The following FARS2 variants were observed in gnomAD, a reference collection of about 807,000 sequenced individuals.
The protein encoded by FARS2 is phenylalanyl-tRNA synthetase 2, mitochondrial, also known as phenylalanine--tRNA ligase, mitochondrial.
Under a neutral mutation model 46.4 loss-of-function variants are expected in FARS2, and 40 were observed. That is an observed-to-expected ratio of 0.86 (90% confidence interval 0.67 to 1.12). The LOEUF (loss-of-function observed/expected upper bound fraction) is 1.12. FARS2 is among the 50% of genes most tolerant of loss of function. FARS2 has a pLI of 0.00. For missense variants in FARS2, 513 were observed against 567.9 expected, an observed-to-expected ratio of 0.90 and a Z score of 0.98; for synonymous variants, 234 against 214.9, an observed-to-expected ratio of 1.09 and a Z score of -0.78.
chr6:5,520,811 A>AT (rs140220929), intron 4 of FARS2, among the ~76,000 whole-genome samples: 16,830 of 152,284 alleles, frequency 0.11, 992 homozygotes, highest in Admixed American at 0.16. Context: ...TTGATTAAAA[A>AT]TCATGATAAA....
chr6:5,725,594 C>T (rs1760198568), intron 6 of FARS2, among the ~76,000 whole-genome samples: 1 of 152,182 alleles, frequency 6.6e-6, no homozygotes, highest in Admixed American at 6.5e-5. Context: ...TGAGTTGATG[C>T]ATGTGACATT....
intron 6 of FARS2, among the ~76,000 whole-genome samples, chr6:5,719,845 G>A (rs1413396961): frequency 2.0e-5 from 3 of 152,204 alleles, no homozygotes; most frequent in Non-Finnish European, 4.4e-5. Context: ...AAATAATCTT[G>A]TAAAGCATAG....
intron 3 of FARS2, among the ~76,000 whole-genome samples, chr6:5,410,280 C>T (rs754351440): frequency 1.6e-4 from 24 of 151,748 alleles, no homozygotes; most frequent in Non-Finnish European, 2.8e-4. Flanking sequence ...CAGCCTCCCA[C>T]GTAGCTGGGA....
chr6:5,409,203 C>A (rs551256581), intron 3 of FARS2, among the ~76,000 whole-genome samples: 21 of 152,270 alleles, frequency 1.4e-4, no homozygotes, highest in African/African-American at 4.8e-4. Context: ...GTAATACCAG[C>A]ACTTGGGGAG....
At position 5,764,725 on chromosome 6, in the gene FARS2, G is replaced by A. The variant is rs964536760; in HGVS notation, c.1218-6566G>A. Among the ~76,000 whole-genome samples the A allele has an allele frequency of 6.6e-6, 1 of 152,210 alleles. No homozygotes were observed. The highest frequency in any genetic ancestry group is 6.5e-5 in the Admixed American group (1 of 15,282). ...GATGGAGAAGCAGACTATTGTGGATGTTGCAGGAGCTGGGATTTGGCTGGA... is the reference window on the plus strand; with the variant it reads ...GATGGAGAAGCAGACTATTGTGGATATTGCAGGAGCTGGGATTTGGCTGGA... On this transcript the variant is annotated intron_variant, in intron 6 of 6. Coordinates refer to ENST00000274680, the MANE Select transcript of FARS2 (RefSeq NM_006567.5). This position sits in a 1 kb window ranked among gnomAD's most constrained non-coding sequence, Gnocchi z 4.1.
At chr6:5,433,297 C>A (rs1449917511) in intron 4 of FARS2, among the ~76,000 whole-genome samples, 1 of 152,194 alleles carries the variant, frequency 6.6e-6, no homozygotes, top group Non-Finnish European at 1.5e-5. Flanking sequence ...CTCTCAAGTG[C>A]TTAGCAAAGG....
At chr6:5,707,210 ACC>A (rs1158387817) in intron 6 of FARS2, among the ~76,000 whole-genome samples, 1 of 151,756 alleles carries the variant, frequency 6.6e-6, no homozygotes, top group Non-Finnish European at 1.5e-5. Context: ...GCATGGACCT[ACC>A]CCAAGCCGAG....
intron 4 of FARS2, among the ~76,000 whole-genome samples, chr6:5,525,235 A>T (rs1433951554): frequency 2.4e-5 from 3 of 124,982 alleles, no homozygotes; most frequent in African/African-American, 8.7e-5. Context: ...TGATAGAAAG[A>T]AATCCATTTG....
chr6:5,285,991 C>A (rs1283949272), intron 1 of FARS2, among the ~76,000 whole-genome samples: 1 of 152,196 alleles, frequency 6.6e-6, no homozygotes, highest in Non-Finnish European at 1.5e-5. Context: ...TAGAACACTT[C>A]CTCTGTTTGC....
chr6:5,336,418 C>T (rs571092997), intron 1 of FARS2, among the ~76,000 whole-genome samples: 9 of 151,760 alleles, frequency 5.9e-5, no homozygotes, highest in Non-Finnish European at 1.3e-4. Flanking sequence ...AAACCAAAGA[C>T]TTTTCTTTAC....
intron 1 of FARS2, among the ~76,000 whole-genome samples, chr6:5,345,150 G>A (rs2127597173): frequency 6.6e-6 from 1 of 151,140 alleles, no homozygotes; most frequent in Admixed American, 6.6e-5. Flanking sequence ...GACTAGATGA[G>A]ACAATGTATG....
chr6:5,617,858 T>C (rs1775555698), intron 6 of FARS2, among the ~76,000 whole-genome samples: 2 of 152,150 alleles, frequency 1.3e-5, no homozygotes, highest in Admixed American at 1.3e-4. Context: ...ATTTTTTAGA[T>C]CTCATTATTG....
chr6:5,345,881 T>C (rs138044887), intron 1 of FARS2, among the ~76,000 whole-genome samples: 54 of 152,354 alleles, frequency 3.5e-4, no homozygotes, highest in African/African-American at 1.2e-3. Context: ...GAATGGACTT[T>C]TTGTTTCTGA....
At chr6:5,566,036 A>G (rs1201224706) in intron 5 of FARS2, among the ~76,000 whole-genome samples, 1 of 152,152 alleles carries the variant, frequency 6.6e-6, no homozygotes, top group African/African-American at 2.4e-5. Flanking sequence ...TAACCCTTTT[A>G]CTAAAGGGCA....
intron 6 of FARS2, among the ~76,000 whole-genome samples, chr6:5,687,185 A>C (rs955728041): frequency 1.3e-4 from 20 of 152,324 alleles, no homozygotes; most frequent in South Asian, 2.1e-4. Flanking sequence ...TTTGCTGTGC[A>C]GAAGCTCTTT....
At chr6:5,296,887 G>C (rs766891260) in intron 1 of FARS2, among the ~76,000 whole-genome samples, 1 of 152,212 alleles carries the variant, frequency 6.6e-6, no homozygotes, top group Non-Finnish European at 1.5e-5. Context: ...GTGATCATGA[G>C]TGTACAGATA....
In FARS2 at chr6:5,661,467, T is replaced by C. The variant is rs535857223; in HGVS notation, c.1217+48147T>C. ...AGCAAGGGGCTTTGCATGAATCTTA[T>C]GGAACTAGGGCCCTTGGTGGCCAGA... On this transcript the variant is annotated intron_variant, in intron 6 of 6. Coordinates refer to ENST00000274680, the MANE Select transcript of FARS2 (RefSeq NM_006567.5). Among the ~76,000 whole-genome samples, 9 of 152,244 alleles carry C rather than the reference T, an allele frequency of 5.9e-5. No homozygotes were observed. In the East Asian group the frequency reaches 1.5e-3, roughly 26 times the overall value.
At chr6:5,426,786 C>CTGTA (rs1762878960) in intron 3 of FARS2, among the ~76,000 whole-genome samples, 1 of 152,046 alleles carries the variant, frequency 6.6e-6, no homozygotes, top group African/African-American at 2.4e-5. Flanking sequence ...CCATCACACC[C>CTGTA]GACTAATTTT....
intron 6 of FARS2, among the ~76,000 whole-genome samples, chr6:5,709,283 GC>G (rs142685716): frequency 0.023 from 3,509 of 152,230 alleles, 135 homozygotes; most frequent in African/African-American, 0.079. Flanking sequence ...TGGCAGGTGG[GC>G]CCGAGCAGAG....
Sources: allele counts gnomAD v4.1 joint callset (sites outside exome capture counted in the v4.1 genomes callset), GRCh38; gene constraint gnomAD v4.1.1; non-coding constraint Gnocchi (gnomAD v3.1); transcripts MANE v1.5; gene names NCBI Gene and HGNC (gene_info 2026-07-23, HGNC 2026-07-21).